The following TMPRSS15 variants were observed in gnomAD, a reference collection of about 807,000 sequenced individuals.
TMPRSS15 encodes the protein transmembrane serine protease 15, also known as enteropeptidase.
TMPRSS15 carries 128 observed loss-of-function variants against 125.3 expected under a neutral mutation model. The observed-to-expected ratio is 1.02, with a 90% confidence interval of 0.89 to 1.18. The LOEUF (loss-of-function observed/expected upper bound fraction) is 1.18. Among genes scored for constraint, TMPRSS15 ranks in the 50% most tolerant of loss-of-function variants. The pLI, the probability that TMPRSS15 is intolerant of heterozygous loss-of-function variation, is 0.00. For missense variants in TMPRSS15, 1,283 were observed against 1,212.7 expected, an observed-to-expected ratio of 1.06 and a Z score of -0.86; for synonymous variants, 446 against 423.2, an observed-to-expected ratio of 1.05 and a Z score of -0.66.
chr21:18,475,018 C>T (rs1978851296), intron 1 of TMPRSS15, among the ~76,000 whole-genome samples: 1 of 152,124 alleles, frequency 6.6e-6, no homozygotes, highest in Non-Finnish European at 1.5e-5. Context: ...ATATAGAGTG[C>T]CCCCACTTCA....
intron 10 of TMPRSS15, 68 bp from the exon 11 acceptor site, chr21:18,344,128 T>G: frequency 7.5e-7 from 1 of 1,326,858 alleles, no homozygotes; most frequent in Non-Finnish European, 1.1e-6. Context: ...CAAGTAGACT[T>G]TGTAAGCAGG....
chr21:18,326,718 C>T, intron 15 of TMPRSS15, 146 bp from the exon 16 acceptor site: 2 of 836,326 alleles, frequency 2.4e-6, no homozygotes, highest in African/African-American at 1.7e-5. Flanking sequence ...AATGAACACA[C>T]ACATTCTCTT....
chr21:18,281,118 T>C lies in TMPRSS15; in HGVS notation c.2590A>G (p.Ile864Val), dbSNP rs1487392567. Residue 864 changes from isoleucine (I) to valine (V), a missense_variant, in exon 22 of 25, where the codon ATA (isoleucine) becomes GTA (valine). Physicochemically the swap from Ile to Val is conservative, Grantham distance 29. Transcript: ENST00000284885. ...TVPRLIDEIVINPHYNRRRKD... is the reference protein window; with the variant it reads ...TVPRLIDEIVVNPHYNRRRKD... ...CTTCGCCTATTGTAATGAGGGTTTATGACAATTTCATCTATTAATCGAGGG... is the reference window on the plus strand; with the variant it reads ...CTTCGCCTATTGTAATGAGGGTTTACGACAATTTCATCTATTAATCGAGGG... 6.2e-7 allele frequency: 1 copy of C among 1,614,004 alleles called. No homozygotes were observed. The highest frequency in any genetic ancestry group is 1.3e-5 in the African/African-American group (1 of 74,908).
intron 13 of TMPRSS15, among the ~76,000 whole-genome samples, chr21:18,337,531 C>T (rs557021336): frequency 6.6e-6 from 1 of 152,200 alleles, no homozygotes; most frequent in African/African-American, 2.4e-5. Flanking sequence ...TTCATTTGTA[C>T]CAACATCACA....
chr21:18,290,014 GAT>G (rs2074814554), intron 21 of TMPRSS15, among the ~76,000 whole-genome samples: 1 of 152,250 alleles, frequency 6.6e-6, no homozygotes, highest in South Asian at 2.1e-4. Flanking sequence ...AACCTTGGTT[GAT>G]GCGTGTGCTT....
intron 6 of TMPRSS15, 73 bp from the exon 7 acceptor site, chr21:18,365,321 G>A (rs1481121948): frequency 8.7e-7 from 1 of 1,150,160 alleles, no homozygotes; most frequent in Non-Finnish European, 1.3e-6. Context: ...ACATTTCACA[G>A]AATATTCATG....
In TMPRSS15 at chr21:18,279,037, TA is replaced by T. The variant is rs769541174; in HGVS notation, c.2690del (p.Leu897TyrfsTer58). ...NYTDYIQPIC[L>X]PEENQVFPPG... ...GAGGAAAAACTTGATTTTCTTCCGGTAAACAAATAGGTTGTATGTAATCTGG... is the reference window on the plus strand; with the variant it reads ...GAGGAAAAACTTGATTTTCTTCCGGTAACAAATAGGTTGTATGTAATCTGG... On this transcript the variant is annotated frameshift_variant, in exon 23 of 25. Transcript: ENST00000284885. LOFTEE classifies it high-confidence loss of function. 2 of 1,590,332 alleles carry T rather than the reference TA, an allele frequency of 1.3e-6. No homozygotes were observed. The highest frequency in any genetic ancestry group is 1.7e-6 in the Non-Finnish European group (2 of 1,162,768).
At chr21:18,466,085 A>C (rs1978654028) in intron 1 of TMPRSS15, among the ~76,000 whole-genome samples, 2 of 152,000 alleles carry the variant, frequency 1.3e-5, no homozygotes, top group African/African-American at 4.8e-5. Flanking sequence ...TGGAACAGGA[A>C]ATAAGCCTCA....
chr21:18,475,650 A>G (rs115288104), intron 1 of TMPRSS15, among the ~76,000 whole-genome samples: 2,097 of 152,254 alleles, frequency 0.014, 43 homozygotes, highest in African/African-American at 0.047. Context: ...AAAGAGGGAG[A>G]AATAAAAGGA....
intron 24 of TMPRSS15, 102 bp from the exon 25 acceptor site, chr21:18,270,226 A>G: frequency 9.4e-7 from 1 of 1,058,294 alleles, no homozygotes; most frequent in East Asian, 2.8e-5. Context: ...AAATTAATTA[A>G]AAAATATGAT....
chr21:18,351,344 C>T (rs1007814444), intron 10 of TMPRSS15, among the ~76,000 whole-genome samples: 1 of 152,128 alleles, frequency 6.6e-6, no homozygotes, highest in Non-Finnish European at 1.5e-5. Flanking sequence ...ATGTTAATTA[C>T]ATTCATGCAC....
At chr21:18,332,005 T>A (rs1418414548) in intron 14 of TMPRSS15, 79 bp downstream of exon 14, 20 of 1,268,262 alleles carry the variant, frequency 1.6e-5, no homozygotes, top group Non-Finnish European at 2.1e-5. Context: ...AAATTTATAA[T>A]CTACTTTGCT....
intron 19 of TMPRSS15, 48 bp from the exon 20 acceptor site, chr21:18,294,700 T>C: frequency 6.5e-7 from 1 of 1,528,526 alleles, no homozygotes. Flanking sequence ...ATTTAATATT[T>C]TCAAGTCAAA....
intron 21 of TMPRSS15, among the ~76,000 whole-genome samples, chr21:18,290,128 G>GT (rs1270096739): frequency 1.3e-5 from 2 of 152,102 alleles, no homozygotes; most frequent in Non-Finnish European, 2.9e-5. Flanking sequence ...TAGGAACAAT[G>GT]TTTTTTGTTA....
intron 18 of TMPRSS15, among the ~76,000 whole-genome samples, chr21:18,302,099 G>T (rs965318121): frequency 1.3e-5 from 2 of 152,160 alleles, no homozygotes; most frequent in Non-Finnish European, 2.9e-5. Context: ...GAGCTTAGGC[G>T]GGGATGTTTT....
chr21:18,438,671 C>A lies in TMPRSS15; in HGVS notation c.11-40342G>T, dbSNP rs575642496. Among the ~76,000 whole-genome samples the A allele has an allele frequency of 3.3e-5, 5 of 152,270 alleles. No homozygotes were observed. In the South Asian group the frequency reaches 1.0e-3, roughly 32 times the overall value. On this transcript the variant is annotated intron_variant, in intron 1 of 7. Transcript: ENST00000422787. ...TCACAGTAAGAATAACTGCCAGCAC[C>A]ATAAGCTATACCTGGCCCTGAGTCA...
chr21:18,396,820 A>G (rs1208181816), intron 3 of TMPRSS15, among the ~76,000 whole-genome samples: 8 of 107,830 alleles, frequency 7.4e-5, no homozygotes, highest in South Asian at 3.7e-4. Context: ...CTATCTATCT[A>G]TCTATCTATC....
chr21:18,279,231 A>C (rs543516144), intron 22 of TMPRSS15, among the ~76,000 whole-genome samples, 172 bp from the exon 23 acceptor site: 1 of 148,328 alleles, frequency 6.7e-6, no homozygotes, highest in South Asian at 2.2e-4. Flanking sequence ...GGAAATAGGC[A>C]TTTCAGAGCA....
chr21:18,428,150 T>C (rs1394676349), intron 1 of TMPRSS15, among the ~76,000 whole-genome samples: 1 of 152,232 alleles, frequency 6.6e-6, no homozygotes, highest in Non-Finnish European at 1.5e-5. Context: ...GCCTTTCTTT[T>C]AGAATTGTTT....
Sources: gnomAD v4.1 joint callset for allele counts (sites outside exome capture counted in the v4.1 genomes callset) on GRCh38, gnomAD v4.1.1 for gene constraint, MANE v1.5 for transcripts, NCBI Gene and HGNC (gene_info 2026-07-23, HGNC 2026-07-21) for gene names.